CHD1: variants seen among roughly 807,000 people sequenced by gnomAD.
CHD1 encodes the protein chromodomain helicase DNA binding protein 1.
In CHD1, 36 loss-of-function variants were observed where a neutral mutation model predicts 224.2. That is an observed-to-expected ratio of 0.16 (90% CI 0.12 to 0.21). The LOEUF (loss-of-function observed/expected upper bound fraction) is 0.21, where lower values mean the gene tolerates loss of function less well. Ranked by LOEUF, CHD1 falls within the 10% of genes least tolerant of loss-of-function variation. The pLI is 1.00. For synonymous variants in CHD1, 668 were observed against 658.3 expected (o/e 1.01, Z -0.23); for missense variants, 1,378 against 1,994.8 (o/e 0.69, Z 5.89).
At chr5:98,869,351 C>T (rs978350928) in intron 30 of CHD1, 1 of 707,674 alleles carries the variant, frequency 1.4e-6, no homozygotes, top group Non-Finnish European at 1.7e-6. Flanking sequence ...CATATGACTA[C>T]AGATTGCATG....
In CHD1 at chr5:98,889,115, T is replaced by C. The variant is rs374100856; in HGVS notation, c.2304A>G (p.Pro768=). 2 of 1,600,064 alleles carry C rather than the reference T, an allele frequency of 1.2e-6. No individual in the cohort carries two copies. Among genetic ancestry groups the C allele is most frequent in the Non-Finnish European group, 1.7e-6 (2 of 1,168,618 alleles). Residue 768 remains proline, a synonymous_variant, in exon 16 of 36, where the codon CCA becomes CCG. Transcript: ENST00000614616. The stretch of plus-strand genomic sequence containing the variant: ...GTTTATTATAGAATTCATTATTATC[T>C]GGTGGTTTAATGAGGTAGCAATGGT... ...CCNHCYLIKP[P]DNNEFYNKQE...
intron 12 of CHD1, 23 bp downstream of exon 12, chr5:98,896,203 A>G (rs775909368): frequency 4.5e-6 from 7 of 1,571,978 alleles, no homozygotes; most frequent in Middle Eastern, 1.7e-4. Flanking sequence ...TTTGATTTCT[A>G]CATTTACAGG....
Position 98,869,760 on chromosome 5 carries a change from ATCATCT to A in CHD1, c.4095_4100del (p.Glu1365_Asp1366del), listed in dbSNP as rs779053712. The A allele has an allele frequency of 6.2e-7, 1 of 1,613,278 alleles. No individual in the cohort carries two copies. The highest frequency in any genetic ancestry group is 8.5e-7 in the Non-Finnish European group (1 of 1,179,654). ...TTCTAAAACACATTCTTACTTTATCATCATCTTCATCAGACTTCTCTGAAGGCAGAG... is the reference window on the plus strand; with the variant it reads ...TTCTAAAACACATTCTTACTTTATCATCATCAGACTTCTCTGAAGGCAGAG... On this transcript the variant is annotated inframe_deletion, in exon 30 of 36. Coordinates refer to ENST00000614616, the MANE Select transcript of CHD1 (RefSeq NM_001270.4).
chr5:98,896,073 C>T (rs330358), intron 12 of CHD1, among the ~76,000 whole-genome samples, 153 bp downstream of exon 12: 68 of 152,102 alleles, frequency 4.5e-4, no homozygotes, highest in African/African-American at 1.6e-3. Context: ...GGAGTGGTGG[C>T]GTGCTCCTGT....
At chr5:98,862,241 A>G (rs1429742774) in intron 32 of CHD1, among the ~76,000 whole-genome samples, 1 of 152,180 alleles carries the variant, frequency 6.6e-6, no homozygotes, top group Non-Finnish European at 1.5e-5. Context: ...TTCCTTCCCC[A>G]TCTCCCCCTT....
chr5:98,862,890 A>C (rs964696348), intron 32 of CHD1, among the ~76,000 whole-genome samples: 1 of 152,196 alleles, frequency 6.6e-6, no homozygotes, highest in Non-Finnish European at 1.5e-5. Flanking sequence ...ACACTAATAA[A>C]AGTAGAGAAG....
intron 4 of CHD1, 25 bp downstream of exon 4, chr5:98,903,767 A>G (rs1479951659): frequency 2.7e-6 from 4 of 1,489,184 alleles, no homozygotes; most frequent in Non-Finnish European, 3.8e-6. Context: ...CACTTTTAAA[A>G]TAATAGCTCA....
At position 98,897,246 on chromosome 5, in the gene CHD1, T is replaced by G. The variant is rs1383818040; in HGVS notation, c.1440A>C (p.Glu480Asp). 2 of 1,613,036 alleles carry G rather than the reference T, an allele frequency of 1.2e-6. No homozygotes were observed. The highest frequency in any genetic ancestry group is 4.5e-5 in the East Asian group (2 of 44,760). The change falls in exon 11 of 36, where the codon GAA becomes GAC. Residue 480 changes from glutamate (E) to aspartate (D), a missense_variant. Coordinates refer to ENST00000614616, the MANE Select transcript of CHD1 (RefSeq NM_001270.4). The part of the protein sequence containing the change: ...PSYIGGHEGL[E>D]LRDYQLNGLN... ...AACCATTCAGTTGATAATCTCTTAA[T>G]TCTAAGCCCTCATGTCCTCCAATAT...
At chr5:98,913,960 A>C (rs1488289146) in intron 2 of CHD1, among the ~76,000 whole-genome samples, 8 of 152,160 alleles carry the variant, frequency 5.3e-5, no homozygotes, top group Admixed American at 5.2e-4. Context: ...TTTGTGGCAG[A>C]AAATGTGCCC....
intron 32 of CHD1, among the ~76,000 whole-genome samples, chr5:98,862,268 A>AC (rs1243304788): frequency 2.6e-5 from 4 of 152,236 alleles, no homozygotes; most frequent in Non-Finnish European, 5.9e-5. Flanking sequence ...ATTTGGTTTA[A>AC]CCAGAGAGAG....
At chr5:98,857,698 CAAAA>C (rs1299189207) in intron 35 of CHD1, among the ~76,000 whole-genome samples, 2 of 151,952 alleles carry the variant, frequency 1.3e-5, no homozygotes, top group Non-Finnish European at 2.9e-5. Context: ...AAACAATAAA[CAAAA>C]AACCTTCCTG....
intron 15 of CHD1, among the ~76,000 whole-genome samples, chr5:98,891,721 G>C (rs1040357615): frequency 6.6e-6 from 1 of 152,152 alleles, no homozygotes; most frequent in Non-Finnish European, 1.5e-5. Flanking sequence ...TGAGGCACCA[G>C]AATCATTTGA....
In CHD1 at chr5:98,872,190, G is replaced by T; in HGVS notation, c.3722C>A (p.Pro1241Gln). ...AAAATGAGCTGCCTTTGTGTGGCAT[G>T]GGATAGTATACCTGGCATCAAAGTT... ...DPEERKQYTI[P>Q]CHTKAAHFDI... Residue 1241 changes from proline (P) to glutamine (Q), a missense_variant, in exon 28 of 36, where the codon CCA (proline) becomes CAA (glutamine). Pro to Gln is a moderately conservative substitution (Grantham distance 76). Around this residue, in one of 16 missense-constraint regions of CHD1, gnomAD observed 286 missense variants for 445.1 expected, o/e 0.64. Coordinates refer to ENST00000614616, the MANE Select transcript of CHD1 (RefSeq NM_001270.4). 1 of 1,611,752 alleles carries T rather than the reference G, an allele frequency of 6.2e-7. No homozygotes were observed. The highest frequency in any genetic ancestry group is 1.3e-5 in the African/African-American group (1 of 74,930).
chr5:98,881,950 ATTTT>A, intron 20 of CHD1, 21 bp downstream of exon 20: 8 of 1,601,028 alleles, frequency 5.0e-6, no homozygotes, highest in Non-Finnish European at 6.8e-6. Flanking sequence ...CTAAAATGAC[ATTTT>A]TTTAATAATC....
intron 18 of CHD1, among the ~76,000 whole-genome samples, chr5:98,883,507 A>T: frequency 6.6e-6 from 1 of 152,244 alleles, no homozygotes; most frequent in Non-Finnish European, 1.5e-5. Flanking sequence ...AAAAAATAAA[A>T]GGCATATACC....
In CHD1 at chr5:98,921,126, C is replaced by T. The variant is rs538200095; in HGVS notation, c.53+5208G>A. Among the ~76,000 whole-genome samples the T allele has an allele frequency of 1.1e-4, 16 of 152,302 alleles. No homozygotes were observed. In the South Asian group the frequency reaches 3.3e-3, roughly 32 times the overall value. ...AAAGTGGGAATCATAACAATGTATA[C>T]ATCACAGAAGTTTTGTGAGGATGAA... is the stretch of plus-strand genomic sequence containing the variant. On this transcript the variant is annotated intron_variant, in intron 2 of 35. Coordinates refer to ENST00000614616, the MANE Select transcript of CHD1 (RefSeq NM_001270.4).
chr5:98,909,749 G>A (rs1034112965), intron 2 of CHD1, among the ~76,000 whole-genome samples: 1 of 152,086 alleles, frequency 6.6e-6, no homozygotes, highest in Non-Finnish European at 1.5e-5. Context: ...ATCCTTCAAA[G>A]TAGACCAATA....
At position 98,858,195 on chromosome 5, in the gene CHD1, T is replaced by C. The variant is rs748629725; in HGVS notation, c.4772A>G (p.Tyr1591Cys). ...NGKDHRDWDH[Y>C]KQDSRYYSDR... ...CCAAGTTTACCTGCTGTCTTGCTTG[T>C]AGTGATCCCAATCACGATGGTCTTT... Residue 1591 changes from tyrosine (Y) to cysteine (C), a missense_variant, in exon 35 of 36, where the codon TAC (tyrosine) becomes TGC (cysteine). This residue lies in a region of CHD1 where 278 missense variants were observed against 298.5 expected (regional missense o/e 0.93). Transcript: ENST00000614616. 4 of 1,612,990 alleles carry C rather than the reference T, an allele frequency of 2.5e-6. 1 individual carries two copies. Among genetic ancestry groups the C allele is most frequent in the South Asian group, 2.2e-5 (2 of 91,048 alleles).
chr5:98,858,111 A>G, intron 35 of CHD1, 69 bp downstream of exon 35: 2 of 1,245,518 alleles, frequency 1.6e-6, no homozygotes, highest in Non-Finnish European at 2.3e-6. Flanking sequence ...GACAGGTCAA[A>G]TACAGGAACA....
Sources: gnomAD v4.1 joint callset for allele counts (sites outside exome capture counted in the v4.1 genomes callset) on GRCh38, gnomAD v4.1.1 for gene constraint, gnomAD v4.1.1 regional missense constraint, MANE v1.5 for transcripts, NCBI Gene and HGNC (gene_info 2026-07-23, HGNC 2026-07-21) for gene names.